The following CTXND2 variants were observed in gnomAD, a reference collection of about 807,000 sequenced individuals.
The protein encoded by CTXND2 is cortexin domain containing 2.
chr1:150,889,107 A>G (rs1294195349), intron 1 of CTXND2, among the ~76,000 whole-genome samples: 1 of 151,954 alleles, frequency 6.6e-6, no homozygotes, highest in Non-Finnish European at 1.5e-5. Flanking sequence ...TCATCCTAGT[A>G]CCTTAAAATA....
intron 1 of CTXND2, among the ~76,000 whole-genome samples, chr1:150,898,310 A>G (rs1668937050): frequency 6.6e-6 from 1 of 152,080 alleles, no homozygotes; most frequent in Admixed American, 6.6e-5. Flanking sequence ...TGCTGAGTCT[A>G]ATATATTTAC....
At chr1:150,903,482 A>AAATAAAAT (rs1365167394) in intron 1 of CTXND2, among the ~76,000 whole-genome samples, 150 of 151,938 alleles carry the variant, frequency 9.9e-4, no homozygotes, top group African/African-American at 3.4e-3. Context: ...TGAGATGAAA[A>AAATAAAAT]AATAAAATAA....
At position 150,888,645 on chromosome 1, in the gene CTXND2, A is replaced by G. The variant is rs368474914; in HGVS notation, c.-74+1332A>G. On this transcript the variant is annotated intron_variant, in intron 1 of 1. Transcript: ENST00000636087. ...AGTAAAAAATATACATGGCATACTTAGAAACAAAACAGCATTTTCCTTTCT... is the reference window on the plus strand; with the variant it reads ...AGTAAAAAATATACATGGCATACTTGGAAACAAAACAGCATTTTCCTTTCT... Among the ~76,000 whole-genome samples, 5 of 152,128 alleles carry G rather than the reference A, an allele frequency of 3.3e-5. No homozygotes were observed. The East Asian group carries it at 7.7e-4, about 23-fold the overall frequency.
chr1:150,905,230 AC>A (rs1553235758), intron 1 of CTXND2, among the ~76,000 whole-genome samples: 3 of 146,424 alleles, frequency 2.0e-5, no homozygotes, highest in Non-Finnish European at 4.5e-5. Context: ...TGCAACTTCT[AC>A]CTCCCGGATT....
chr1:150,893,981 TTTC>T (rs976627845), intron 1 of CTXND2, among the ~76,000 whole-genome samples: 1 of 129,720 alleles, frequency 7.7e-6, no homozygotes, highest in African/African-American at 2.7e-5. Context: ...GTATCTTTTT[TTTC>T]TTTTTTTTTA....
At chr1:150,888,417 T>C (rs1293900922) in intron 1 of CTXND2, among the ~76,000 whole-genome samples, 2 of 151,790 alleles carry the variant, frequency 1.3e-5, no homozygotes, top group Admixed American at 6.6e-5. Context: ...GGTTTCACCA[T>C]GTTGGCCAGG....
At chr1:150,896,566 C>G (rs1392813038) in intron 1 of CTXND2, among the ~76,000 whole-genome samples, 1 of 152,186 alleles carries the variant, frequency 6.6e-6, no homozygotes, top group Non-Finnish European at 1.5e-5. Flanking sequence ...TATTTCCTCA[C>G]TGTCCTTTGC....
intron 1 of CTXND2, among the ~76,000 whole-genome samples, chr1:150,887,644 G>T (rs1035617280): frequency 2.0e-5 from 3 of 151,972 alleles, no homozygotes; most frequent in Non-Finnish European, 4.4e-5. Context: ...AAGTTGGGGG[G>T]ACCTCTGATT....
chr1:150,897,659 T>G (rs1430570105), intron 1 of CTXND2, among the ~76,000 whole-genome samples: 1 of 152,196 alleles, frequency 6.6e-6, no homozygotes, highest in Non-Finnish European at 1.5e-5. Context: ...GAGTGAGAAA[T>G]CACTGCAATT....
intron 1 of CTXND2, among the ~76,000 whole-genome samples, chr1:150,894,765 G>C (rs997819974): frequency 1.3e-5 from 2 of 152,156 alleles, no homozygotes; most frequent in Non-Finnish European, 2.9e-5. Context: ...GCCAGGCACA[G>C]TGGTTCATGC....
At chr1:150,889,744 T>C (rs979384832) in intron 1 of CTXND2, among the ~76,000 whole-genome samples, 1 of 152,106 alleles carries the variant, frequency 6.6e-6, no homozygotes, top group Non-Finnish European at 1.5e-5. Flanking sequence ...TTTACCTGCC[T>C]GAATTCAACA....
At chr1:150,889,496 A>G (rs1320281894) in intron 1 of CTXND2, among the ~76,000 whole-genome samples, 2 of 151,378 alleles carry the variant, frequency 1.3e-5, no homozygotes, top group Non-Finnish European at 2.9e-5. Context: ...AGTTTTCTTT[A>G]TCACTTCCTT....
At chr1:150,889,379 G>T (rs1474182994) in intron 1 of CTXND2, among the ~76,000 whole-genome samples, 3 of 138,530 alleles carry the variant, frequency 2.2e-5, no homozygotes, top group Admixed American at 7.7e-5. Context: ...CAGCCTGGGC[G>T]ACACAGCAAG....
intron 1 of CTXND2, among the ~76,000 whole-genome samples, chr1:150,900,576 A>C (rs1043140945): frequency 2.6e-5 from 4 of 152,100 alleles, no homozygotes; most frequent in African/African-American, 9.7e-5. Flanking sequence ...TGAACCCGGG[A>C]GGTGGAGGTT....
chr1:150,909,106 G>C (rs1669203152), intron 1 of CTXND2, among the ~76,000 whole-genome samples: 1 of 151,006 alleles, frequency 6.6e-6, no homozygotes, highest in South Asian at 2.1e-4. Flanking sequence ...GGGCATGGTG[G>C]GGGCGCCTAT....
intron 1 of CTXND2, among the ~76,000 whole-genome samples, chr1:150,899,825 T>C (rs1019831285): frequency 6.6e-6 from 1 of 152,092 alleles, no homozygotes; most frequent in Non-Finnish European, 1.5e-5. Flanking sequence ...GGTGTGATAG[T>C]GAGACATGAA....
chr1:150,905,083 C>T (rs1174065161), intron 1 of CTXND2, among the ~76,000 whole-genome samples: 1 of 149,414 alleles, frequency 6.7e-6, no homozygotes, highest in Non-Finnish European at 1.5e-5. Flanking sequence ...CACACACACA[C>T]ACACACACAC....
chr1:150,908,611 T>A (rs1488841269), intron 1 of CTXND2, among the ~76,000 whole-genome samples: 1 of 151,938 alleles, frequency 6.6e-6, no homozygotes, highest in Non-Finnish European at 1.5e-5. Flanking sequence ...TTTAATTGAG[T>A]TGTCTTTTCA....
exon 2 of CTXND2, chr1:150,912,312 C>T (rs1669268847): frequency 7.5e-6 from 3 of 398,378 alleles, no homozygotes; most frequent in Non-Finnish European, 1.3e-5. Context: ...GGTGCAAGTC[C>T]CCATGGAAGA....
Sources: gnomAD v4.1 joint callset for allele counts (sites outside exome capture counted in the v4.1 genomes callset) on GRCh38, gnomAD v4.1.1 for gene constraint, MANE v1.5 for transcripts, NCBI Gene and HGNC (gene_info 2026-07-23, HGNC 2026-07-21) for gene names.